CD28: variants seen among roughly 807,000 people sequenced by gnomAD.
CD28 encodes CD28 molecule.
Under a neutral mutation model 21.4 loss-of-function variants are expected in CD28, and 8 were observed. The observed-to-expected ratio is 0.37, with a 90% CI of 0.22 to 0.68. CD28 has a LOEUF of 0.68. Ranked by LOEUF, CD28 falls within the 30% of genes least tolerant of loss-of-function variation. CD28 has a pLI of 0.55. For synonymous variants in CD28, 106 were observed against 104.0 expected, an observed-to-expected ratio of 1.02 and a Z score of -0.12; for missense variants, 239 against 272.2, an observed-to-expected ratio of 0.88 and a Z score of 0.86.
At position 203,728,395 on chromosome 2, in the gene CD28, A is replaced by G. The variant is rs541233068; in HGVS notation, c.410-1253A>G. On this transcript the variant is annotated intron_variant, in intron 2 of 3. Transcript: ENST00000324106. ...CAAGTAAAGTTTGATTTTTTGGTAT[A>G]CTTTGTGGATATATCATAGCTTTTC... Among the ~76,000 whole-genome samples the G allele has an allele frequency of 1.1e-4, 17 of 152,356 alleles. 1 individual carries two copies. In the South Asian group the frequency reaches 3.5e-3, roughly 32 times the overall value.
intron 1 of CD28, among the ~76,000 whole-genome samples, chr2:203,715,680 C>T (rs1298618571): frequency 1.3e-5 from 2 of 152,154 alleles, no homozygotes; most frequent in Admixed American, 6.5e-5. Flanking sequence ...CTGGCTTCCT[C>T]GAACTCTAGT....
intron 3 of CD28, among the ~76,000 whole-genome samples, chr2:203,733,812 G>C (rs1693958358): frequency 6.6e-6 from 1 of 152,202 alleles, no homozygotes; most frequent in Non-Finnish European, 1.5e-5. Context: ...TTAGTAACAT[G>C]GAAGTCAGCG....
intron 3 of CD28, among the ~76,000 whole-genome samples, chr2:203,731,142 C>T (rs1034166429): frequency 1.3e-5 from 2 of 152,198 alleles, no homozygotes; most frequent in African/African-American, 4.8e-5. Context: ...ATTCTTTATA[C>T]TAGGTATCAT....
At chr2:203,723,523 C>A in intron 1 of CD28, among the ~76,000 whole-genome samples, 1 of 151,586 alleles carries the variant, frequency 6.6e-6, no homozygotes, top group Non-Finnish European at 1.5e-5. Flanking sequence ...GCATACAGAA[C>A]TCCAATAATT....
chr2:203,729,244 A>G (rs181406719), intron 2 of CD28, among the ~76,000 whole-genome samples: 2 of 152,276 alleles, frequency 1.3e-5, no homozygotes, highest in East Asian at 3.9e-4. Flanking sequence ...TAGGCTGATG[A>G]TTTTCTTAAG....
At chr2:203,715,042 G>T (rs1272727898) in intron 1 of CD28, among the ~76,000 whole-genome samples, 2 of 152,164 alleles carry the variant, frequency 1.3e-5, no homozygotes, top group Non-Finnish European at 2.9e-5. Flanking sequence ...AGGCAGAATG[G>T]AACAGACAGG....
intron 1 of CD28, among the ~76,000 whole-genome samples, chr2:203,713,476 G>GGAAT (rs1299908907): frequency 6.6e-6 from 1 of 152,100 alleles, no homozygotes; most frequent in African/African-American, 2.4e-5. Context: ...TGAGGCTAGT[G>GGAAT]GAATGCCACT....
At chr2:203,707,465 A>G (rs192530669) in intron 1 of CD28, among the ~76,000 whole-genome samples, 2 of 152,360 alleles carry the variant, frequency 1.3e-5, no homozygotes, top group Admixed American at 1.3e-4. Flanking sequence ...ATCTACCTGA[A>G]TTGAATGAGT....
intron 1 of CD28, among the ~76,000 whole-genome samples, chr2:203,723,577 A>T (rs1468672226): frequency 2.0e-5 from 3 of 152,244 alleles, no homozygotes; most frequent in Admixed American, 2.0e-4. Context: ...ATAAATGGGC[A>T]AATGATCTGA....
chr2:203,723,903 G>A (rs186501888), intron 1 of CD28, among the ~76,000 whole-genome samples: 1 of 152,284 alleles, frequency 6.6e-6, no homozygotes, highest in African/African-American at 2.4e-5. Flanking sequence ...ATACCTAAGA[G>A]AGTTGAAAAC....
chr2:203,731,818 A>T (rs1466525534), intron 3 of CD28, among the ~76,000 whole-genome samples: 4 of 152,126 alleles, frequency 2.6e-5, no homozygotes, highest in Admixed American at 6.5e-5. Flanking sequence ...TTTTAAAAAA[A>T]TTTTATTTTT....
intron 1 of CD28, among the ~76,000 whole-genome samples, chr2:203,725,767 T>A (rs1156421410): frequency 1.3e-5 from 2 of 152,214 alleles, no homozygotes; most frequent in Non-Finnish European, 2.9e-5. Context: ...TTCTCTGAAT[T>A]TGGTGCAGAA....
chr2:203,715,784 C>G (rs930918919), intron 1 of CD28, among the ~76,000 whole-genome samples: 1 of 152,114 alleles, frequency 6.6e-6, no homozygotes, highest in African/African-American at 2.4e-5. Context: ...CCACTCATAC[C>G]CTTACCCAGT....
rs1349990572 is a variant in CD28, at chr2:203,706,828, C to T, written c.52+80C>T. On this transcript the variant is annotated intron_variant, in intron 1 of 3. Coordinates refer to ENST00000324106, the MANE Select transcript of CD28 (RefSeq NM_006139.4). ...GGCTTAGTTTATTTTAAATTTCTAA[C>T]AATGTGTGAAATTTGAACATTTGAA... 4.5e-6 allele frequency: 5 copies of T among 1,112,108 alleles called. No homozygotes were observed. The Admixed American group carries it at 5.4e-5, about 12-fold the overall frequency. The allele number at this position is 1,112,108 out of a possible 1,614,324, so 68.9% of individuals were successfully genotyped here. A position where few individuals can be genotyped will look rare whatever the true frequency, so the allele number is the denominator to read the frequency against.
chr2:203,730,387 G>A (rs3181111), intron 3 of CD28, among the ~76,000 whole-genome samples: 5 of 152,272 alleles, frequency 3.3e-5, no homozygotes, highest in East Asian at 1.9e-4. Flanking sequence ...AAATGTTTAC[G>A]TAATAAATGT....
At position 203,712,971 on chromosome 2, in the gene CD28, G is replaced by A. The variant is rs922234982; in HGVS notation, c.52+6223G>A. ...GATGGGGAAACTGAAGCACAGAGTG[G>A]GTAGAGCATCTTGCTTATGGTCACA... On this transcript the variant is annotated intron_variant, in intron 1 of 3. Coordinates refer to ENST00000324106, the MANE Select transcript of CD28 (RefSeq NM_006139.4). 2.0e-5 allele frequency among the ~76,000 whole-genome samples: 3 copies of A among 152,242 alleles called. No individual in the cohort carries two copies. The East Asian group carries it at 5.8e-4, about 29-fold the overall frequency.
At chr2:203,727,864 A>G (rs183252246) in intron 2 of CD28, among the ~76,000 whole-genome samples, 1 of 152,190 alleles carries the variant, frequency 6.6e-6, no homozygotes, top group Non-Finnish European at 1.5e-5. Flanking sequence ...TATTTTTAGT[A>G]GACAGGGTTT....
chr2:203,729,802 CT>C (rs1370846450), intron 3 of CD28, 30 bp downstream of exon 3: 2 of 1,605,778 alleles, frequency 1.2e-6, no homozygotes, highest in African/African-American at 2.7e-5. Flanking sequence ...TTTTATGTAA[CT>C]TTTCCACTGC....
Position 203,735,153 on chromosome 2 carries a change from T to G in CD28, c.*241T>G. ...CAGTGCCATGGCCCACATTCCAACTTACCATGTACTTAGTGACTTGACTGA... is the reference window on the plus strand; with the variant it reads ...CAGTGCCATGGCCCACATTCCAACTGACCATGTACTTAGTGACTTGACTGA... On this transcript the variant is annotated 3_prime_UTR_variant, in exon 4 of 4. Coordinates refer to ENST00000324106, the MANE Select transcript of CD28 (RefSeq NM_006139.4). 1 of 499,948 alleles carries G rather than the reference T, an allele frequency of 2.0e-6. No homozygotes were observed. Among genetic ancestry groups the G allele is most frequent in the Non-Finnish European group, 3.5e-6 (1 of 284,444 alleles). The allele number at this position is 499,948 out of a possible 1,614,324, so 31.0% of individuals were successfully genotyped here.
Sources: gnomAD v4.1 joint callset for allele counts (sites outside exome capture counted in the v4.1 genomes callset) on GRCh38, gnomAD v4.1.1 for gene constraint, MANE v1.5 for transcripts, NCBI Gene and HGNC (gene_info 2026-07-23, HGNC 2026-07-21) for gene names.